Variants in ZNF177 observed in about 807,000 individuals in gnomAD.
ZNF177 encodes zinc finger protein 177.
A neutral mutation model predicts 19.4 loss-of-function variants in ZNF177; 17 were observed. The observed-to-expected ratio is 0.87, with a 90% confidence interval of 0.60 to 1.31. The LOEUF is 1.31. Among genes scored for constraint, ZNF177 ranks in the 40% most tolerant of loss-of-function variants. The probability of loss-of-function intolerance (pLI) is 0.00; values close to 1 mark genes in which losing one functional copy is unlikely to be tolerated. For synonymous variants in ZNF177, 220 were observed against 188.7 expected (o/e 1.17, Z -1.36); for missense variants, 633 against 561.8 (o/e 1.13, Z -1.28).
rs8104982 is a variant in ZNF177 at position 9,366,567 on chromosome 19, A to G, written c.-305+1619A>G. On this transcript the variant is annotated intron_variant, in intron 2 of 8. Transcript: ENST00000343499. ...TCACCATGCCTGGCCTTCATTTTCT[A>G]TTGTCAAATGATAGTCCATTGTATG... Among the ~76,000 whole-genome samples, 1,040 of 152,152 alleles carry G rather than the reference A, an allele frequency of 6.8e-3. 9 individuals carry two copies. The highest frequency in any genetic ancestry group is 0.023 in the African/African-American group (968 of 41,502).
exon 6 of ZNF177, chr19:9,381,333 C>A: frequency 1.2e-6 from 2 of 1,614,066 alleles, no homozygotes; most frequent in Non-Finnish European, 1.7e-6. Flanking sequence ...AAAGAACTCA[C>A]ACTGGAGAGA....
upstream of ZNF177, among the ~76,000 whole-genome samples, chr19:9,372,537 TTCC>T: frequency 6.8e-6 from 1 of 147,004 alleles, no homozygotes; most frequent in Non-Finnish European, 1.5e-5. Context: ...GAGCTTTCTT[TTCC>T]TTTTTTTTTT....
chr19:9,382,238 C>T (rs569379621), downstream of ZNF177: 52 of 402,782 alleles, frequency 1.3e-4, no homozygotes, highest in African/African-American at 4.5e-4. Flanking sequence ...CAGCTGTGAG[C>T]GGCCAAATAT....
At chr19:9,373,253 T>C (rs1056165560), upstream of ZNF177, among the ~76,000 whole-genome samples, 2 of 152,224 alleles carry the variant, frequency 1.3e-5, no homozygotes, top group African/African-American at 4.8e-5. Context: ...ATGTCCGCCT[T>C]ATTTTACTTA....
intron 2 of ZNF177, among the ~76,000 whole-genome samples, chr19:9,371,080 T>C (rs2068042000): frequency 6.6e-6 from 1 of 152,146 alleles, no homozygotes; most frequent in South Asian, 2.1e-4. Flanking sequence ...TGCTGGGTTT[T>C]CCCCCCAGAT....
At chr19:9,372,825 G>A (rs536415887), upstream of ZNF177, among the ~76,000 whole-genome samples, 6 of 152,164 alleles carry the variant, frequency 3.9e-5, no homozygotes, top group East Asian at 1.2e-3. Flanking sequence ...GAGATGACAG[G>A]CGTGAGCCAC....
At chr19:9,373,519 T>C (rs1303152184), upstream of ZNF177, among the ~76,000 whole-genome samples, 1 of 152,214 alleles carries the variant, frequency 6.6e-6, no homozygotes, top group East Asian at 1.9e-4. Flanking sequence ...TTGAGGCACC[T>C]CCACTACTGC....
intron 2 of ZNF177, among the ~76,000 whole-genome samples, chr19:9,366,404 G>A (rs1482415329): frequency 6.6e-6 from 1 of 152,080 alleles, no homozygotes; most frequent in Non-Finnish European, 1.5e-5. Context: ...CCACAGGTGT[G>A]GGCCACCAAG....
upstream of ZNF177, among the ~76,000 whole-genome samples, chr19:9,373,915 G>T (rs576291064): frequency 1.3e-5 from 2 of 151,770 alleles, no homozygotes; most frequent in East Asian, 3.9e-4. Flanking sequence ...TTTTTAGTTT[G>T]ATGTAGTTTC....
chr19:9,377,556 T>G (rs116755640), intron 1 of ZNF177, among the ~76,000 whole-genome samples: 2,577 of 152,198 alleles, frequency 0.017, 65 homozygotes, highest in African/African-American at 0.059. Flanking sequence ...TAGGCCTAGA[T>G]TAATGCGTAT....
chr19:9,379,267 TATCAC>T, intron 3 of ZNF177, 179 bp downstream of exon 5: 1 of 1,181,410 alleles, frequency 8.5e-7, no homozygotes, highest in East Asian at 2.6e-5. Flanking sequence ...TCATTTTCTC[TATCAC>T]TAATAGCTTA....
At chr19:9,365,717 GATAA>G (rs1238707952) in intron 2 of ZNF177, among the ~76,000 whole-genome samples, 1 of 152,090 alleles carries the variant, frequency 6.6e-6, no homozygotes, top group African/African-American at 2.4e-5. Context: ...TGGGTCCATG[GATAA>G]AACACGTCTC....
In ZNF177 at chr19:9,380,804, AC is replaced by A. The variant is rs1461531512; in HGVS notation, c.475del (p.His159IlefsTer9). 5.2e-6 allele frequency: 8 copies of A among 1,536,032 alleles called. No individual in the cohort carries two copies. Among genetic ancestry groups the A allele is most frequent in the Non-Finnish European group, 6.1e-6 (7 of 1,146,910 alleles). ...TATATAAAGTATAGCAAAGTCTTCAACCATCCCTCAACTCTTAGGAGTCATG... is the reference window on the plus strand; with the variant it reads ...TATATAAAGTATAGCAAAGTCTTCAACATCCCTCAACTCTTAGGAGTCATG... On this transcript the variant is annotated frameshift_variant, in exon 6 of 6. Coordinates refer to ENST00000589262, the Ensembl canonical transcript of ZNF177. LOFTEE classifies it low-confidence loss of function (END_TRUNC).
At chr19:9,368,469 C>T (rs2068007856) in intron 2 of ZNF177, among the ~76,000 whole-genome samples, 1 of 152,044 alleles carries the variant, frequency 6.6e-6, no homozygotes, top group Non-Finnish European at 1.5e-5. Context: ...CTCCTTTTGT[C>T]TTTGAAGAAT....
intron 5 of ZNF177, 30 bp from the exon 8 acceptor site, chr19:9,380,638 T>TCTAGTCACCACTTA: frequency 1.3e-6 from 2 of 1,535,950 alleles, no homozygotes; most frequent in South Asian, 2.4e-5. Flanking sequence ...TGAAAAAGCC[T>TCTAGTCACCACTTA]CTAGTCACCA....
chr19:9,370,590 G>T (rs1835985), intron 2 of ZNF177, among the ~76,000 whole-genome samples: 101,839 of 151,728 alleles, frequency 0.67, 36,059 homozygotes, highest in African/African-American at 0.91. Context: ...ATTTAAAATA[G>T]ATACATATTT....
At chr19:9,366,593 G>C (rs1289856269) in intron 2 of ZNF177, among the ~76,000 whole-genome samples, 1 of 152,154 alleles carries the variant, frequency 6.6e-6, no homozygotes, top group African/African-American at 2.4e-5. Context: ...CCATTGTATG[G>C]ATATACCACA....
In ZNF177 at chr19:9,381,556, TCTTAC is replaced by T. The variant is rs2122569204; in HGVS notation, c.1230_1234del (p.Leu411CysfsTer9). On this transcript the variant is annotated frameshift_variant, in exon 6 of 6. Coordinates refer to ENST00000589262, the Ensembl canonical transcript of ZNF177. LOFTEE classifies it low-confidence loss of function (END_TRUNC). ...GTGTGGAAAGTCCTTCAGCACAGGCTCTTACCTTATTGTGCACAAGAGAACTCACA... is the reference window on the plus strand; with the variant it reads ...GTGTGGAAAGTCCTTCAGCACAGGCTCTTATTGTGCACAAGAGAACTCACA... The T allele has an allele frequency of 5.0e-6, 8 of 1,613,870 alleles. No homozygotes were observed. The highest frequency in any genetic ancestry group is 2.2e-5 in the South Asian group (2 of 91,068).
exon 6 of ZNF177, chr19:9,381,378 C>T (rs1181723533): frequency 1.2e-6 from 2 of 1,612,896 alleles, no homozygotes; most frequent in South Asian, 2.2e-5. Context: ...GGAAGGCTTT[C>T]ACTGTTCCTT....
Sources: gnomAD v4.1 joint callset for allele counts (sites outside exome capture counted in the v4.1 genomes callset) on GRCh38, gnomAD v4.1.1 for gene constraint, MANE v1.5 for transcripts, NCBI Gene and HGNC (gene_info 2026-07-23, HGNC 2026-07-21) for gene names.